The following SDC2 variants were observed in gnomAD, a reference collection of about 807,000 sequenced individuals.
SDC2 encodes syndecan-2.
SDC2 carries 13 observed loss-of-function variants against 22.2 expected under a neutral mutation model. The observed-to-expected ratio is 0.59, with a 90% CI of 0.38 to 0.93. The LOEUF is 0.93. SDC2 is among the 40% of genes least tolerant of loss of function. SDC2 has a pLI of 0.00. For missense variants in SDC2, 235 were observed against 246.8 expected, an observed-to-expected ratio of 0.95 and a Z score of 0.32; for synonymous variants, 94 against 92.8, an observed-to-expected ratio of 1.01 and a Z score of -0.07.
chr8:96,510,807 G>T (rs1261350224), intron 1 of SDC2, among the ~76,000 whole-genome samples: 2 of 152,198 alleles, frequency 1.3e-5, no homozygotes, highest in Non-Finnish European at 2.9e-5. Flanking sequence ...TGGGGTTAAA[G>T]TGTCTTTACA....
At chr8:96,569,181 A>C (rs1459729237) in intron 1 of SDC2, among the ~76,000 whole-genome samples, 1 of 152,018 alleles carries the variant, frequency 6.6e-6, no homozygotes, top group Non-Finnish European at 1.5e-5. Flanking sequence ...ATAATTTTTA[A>C]AATGTTTTGT....
In SDC2 at chr8:96,577,745, C is replaced by G. The variant is rs150610264; in HGVS notation, c.61-15735C>G. Among the ~76,000 whole-genome samples, 1,242 of 152,304 alleles carry G rather than the reference C, an allele frequency of 8.2e-3. 13 individuals are homozygous for G. The highest frequency in any genetic ancestry group is 0.029 in the African/African-American group (1,193 of 41,552). Reference sequence around the variant, plus strand: ...TGTGCTCCACCTATTTGCCCACCCCCTCTTCCCCTGAACCCCTGGCAACTG... The same window carrying G: ...TGTGCTCCACCTATTTGCCCACCCCGTCTTCCCCTGAACCCCTGGCAACTG... On this transcript the variant is annotated intron_variant, in intron 1 of 4. Coordinates refer to ENST00000302190, the MANE Select transcript of SDC2 (RefSeq NM_002998.4).
At chr8:96,590,153 C>G (rs1395243730) in intron 1 of SDC2, among the ~76,000 whole-genome samples, 2 of 152,220 alleles carry the variant, frequency 1.3e-5, no homozygotes, top group Non-Finnish European at 2.9e-5. Flanking sequence ...CTCCTGTATT[C>G]ACATCTTGCA....
intron 3 of SDC2, among the ~76,000 whole-genome samples, chr8:96,604,305 A>T (rs1815041644): frequency 6.6e-6 from 1 of 152,226 alleles, no homozygotes; most frequent in South Asian, 2.1e-4. Flanking sequence ...AGATCGAGAT[A>T]AAAAATGTAG....
intron 1 of SDC2, among the ~76,000 whole-genome samples, chr8:96,530,792 C>A (rs1813649212): frequency 1.3e-5 from 2 of 152,154 alleles, no homozygotes; most frequent in Admixed American, 6.5e-5. Flanking sequence ...GCACTGTGCC[C>A]TACATTGCAG....
intron 1 of SDC2, among the ~76,000 whole-genome samples, chr8:96,569,698 T>C (rs1334273201): frequency 6.6e-6 from 1 of 152,326 alleles, no homozygotes. Flanking sequence ...TCATTTAATT[T>C]TTCAGTAACC....
intron 1 of SDC2, among the ~76,000 whole-genome samples, chr8:96,524,225 A>G (rs948628913): frequency 1.3e-5 from 2 of 152,288 alleles, no homozygotes; most frequent in South Asian, 2.1e-4. Context: ...AGCCAGATGA[A>G]CCTAAAATAA....
intron 1 of SDC2, among the ~76,000 whole-genome samples, chr8:96,548,895 T>G (rs1419330064): frequency 2.0e-5 from 3 of 152,216 alleles, no homozygotes; most frequent in Non-Finnish European, 1.5e-5. Flanking sequence ...GAAAAAGCTT[T>G]GACCCCAATT....
intron 1 of SDC2, among the ~76,000 whole-genome samples, chr8:96,508,696 T>G (rs1020702443): frequency 1.4e-5 from 2 of 141,830 alleles, no homozygotes; most frequent in Non-Finnish European, 3.2e-5. Flanking sequence ...TATAACTGTC[T>G]CACAACTGCT....
intron 1 of SDC2, among the ~76,000 whole-genome samples, chr8:96,589,728 T>C (rs748493596): frequency 6.6e-6 from 1 of 152,204 alleles, no homozygotes; most frequent in African/African-American, 2.4e-5. Flanking sequence ...GGAGTTTTTA[T>C]GTCATCCTCT....
intron 1 of SDC2, among the ~76,000 whole-genome samples, chr8:96,505,839 T>C (rs1013112813): frequency 6.6e-6 from 1 of 152,212 alleles, no homozygotes; most frequent in Admixed American, 6.5e-5. Context: ...AGCTCTATGT[T>C]GGTCCTGCAA....
intron 1 of SDC2, among the ~76,000 whole-genome samples, chr8:96,535,306 C>T (rs979719163): frequency 2.6e-5 from 4 of 152,134 alleles, no homozygotes; most frequent in African/African-American, 7.2e-5. Context: ...TGTGCCCGGC[C>T]CCAAATAATT....
chr8:96,576,416 CTTTTT>C (rs71267268), intron 1 of SDC2, among the ~76,000 whole-genome samples: 15 of 13,812 alleles, frequency 1.1e-3, no homozygotes, highest in South Asian at 2.9e-3. Context: ...TTATTATTCT[CTTTTT>C]TTTTTTTTTT....
At chr8:96,544,988 A>T (rs1460565979) in intron 1 of SDC2, among the ~76,000 whole-genome samples, 1 of 152,204 alleles carries the variant, frequency 6.6e-6, no homozygotes, top group Admixed American at 6.5e-5. Flanking sequence ...TACTGTGAAG[A>T]AGTGCAGAGT....
intron 1 of SDC2, among the ~76,000 whole-genome samples, chr8:96,572,769 C>T (rs1384086249): frequency 6.6e-6 from 1 of 152,206 alleles, no homozygotes; most frequent in East Asian, 1.9e-4. Context: ...GTCCAATTTT[C>T]AACTGCTATA....
At chr8:96,532,843 A>G (rs781241226) in intron 1 of SDC2, among the ~76,000 whole-genome samples, 1 of 152,178 alleles carries the variant, frequency 6.6e-6, no homozygotes, top group African/African-American at 2.4e-5. Flanking sequence ...GAGACTAGCA[A>G]AGTGCCAGCA....
intron 1 of SDC2, among the ~76,000 whole-genome samples, chr8:96,558,275 G>A (rs143683318): frequency 2.0e-5 from 3 of 152,158 alleles, no homozygotes; most frequent in East Asian, 1.9e-4. Context: ...GCTCAGGGTC[G>A]GGGGTTCTGG....
intron 1 of SDC2, among the ~76,000 whole-genome samples, chr8:96,576,392 TTACCAGA>T (rs1563667839): frequency 9.9e-6 from 1 of 100,544 alleles, no homozygotes; most frequent in African/African-American, 4.1e-5. Flanking sequence ...TTGTTTTTTT[TTACCAGA>T]TTTGCTTTAT....
chr8:96,511,157 T>C (rs1325918121), intron 1 of SDC2, among the ~76,000 whole-genome samples: 1 of 152,176 alleles, frequency 6.6e-6, no homozygotes, highest in Non-Finnish European at 1.5e-5. Context: ...TTCTGCATGC[T>C]AACGTTCGAG....
Sources: allele counts gnomAD v4.1 joint callset (sites outside exome capture counted in the v4.1 genomes callset), GRCh38; gene constraint gnomAD v4.1.1; transcripts MANE v1.5; gene names NCBI Gene and HGNC (gene_info 2026-07-23, HGNC 2026-07-21).